The following BNIP1 variants were observed in gnomAD, a reference collection of about 807,000 sequenced individuals.
BNIP1 encodes the protein vesicle transport protein SEC20.
BNIP1 carries 25 observed loss-of-function variants against 28.5 expected under a neutral mutation model. The ratio of observed to expected loss-of-function variants is 0.88; its 90% CI spans 0.64 to 1.23. BNIP1 has a LOEUF of 1.23. Ranked by LOEUF, BNIP1 falls within the 50% of genes most tolerant of loss-of-function variation. BNIP1 has a pLI of 0.00. For synonymous variants in BNIP1, 118 were observed against 101.7 expected (o/e 1.16, Z -0.96); for missense variants, 276 against 277.0 (o/e 1.00, Z 0.02).
At chr5:173,144,807 C>T (rs1759783713) in intron 1 of BNIP1, among the ~76,000 whole-genome samples, 178 bp downstream of exon 1, 1 of 152,182 alleles carries the variant, frequency 6.6e-6, no homozygotes, top group African/African-American at 2.4e-5. Context: ...GACTGCTGGC[C>T]TTGATCCTTT....
At position 173,163,706 on chromosome 5, in the gene BNIP1, C is replaced by G. The variant is rs958993245; in HGVS notation, c.491-19C>G. The stretch of plus-strand genomic sequence containing the variant: ...GAGCTGCAGTCTCTGAGTTGGGCCT[C>G]CTTCCTCTTTTGTTTCAGTCACTTC... On this transcript the variant is annotated intron_variant, in intron 5 of 5. Transcript: ENST00000351486. 3.2e-6 allele frequency: 5 copies of G among 1,562,738 alleles called. No individual in the cohort carries two copies. In the African/African-American group the frequency reaches 6.8e-5, roughly 21 times the overall value.
rs182802585 is a variant in BNIP1 at position 173,157,711 on chromosome 5, G to A, written c.270-1033G>A. Among the ~76,000 whole-genome samples the A allele has an allele frequency of 2.9e-3, 435 of 152,060 alleles. 2 individuals carry two copies. The highest frequency in any genetic ancestry group is 1.5e-3 in the Non-Finnish European group (100 of 67,986). On this transcript the variant is annotated intron_variant, in intron 3 of 5. Coordinates refer to ENST00000351486, the MANE Select transcript of BNIP1 (RefSeq NM_001205.3). ...ATTACAGATGTGAGCCACCACGCCCGGTCAACTGTCACATTTCTAACTCCA... is the reference window on the plus strand; with the variant it reads ...ATTACAGATGTGAGCCACCACGCCCAGTCAACTGTCACATTTCTAACTCCA...
At chr5:173,155,438 C>A (rs923085508) in intron 3 of BNIP1, among the ~76,000 whole-genome samples, 8 of 152,324 alleles carry the variant, frequency 5.3e-5, no homozygotes, top group African/African-American at 1.9e-4. Context: ...CGGCGGCTCA[C>A]GCCTGGAATC....
At chr5:173,151,672 C>T (rs1032837836) in intron 2 of BNIP1, 1 of 1,613,838 alleles carries the variant, frequency 6.2e-7, no homozygotes, top group African/African-American at 1.3e-5. Context: ...TTCAACTCTC[C>T]AACTACACCT....
chr5:173,154,764 C>G (rs1760132724), intron 3 of BNIP1, among the ~76,000 whole-genome samples: 1 of 152,118 alleles, frequency 6.6e-6, no homozygotes, highest in African/African-American at 2.4e-5. Flanking sequence ...TCATGTGATT[C>G]ACCCACCTTG....
At position 173,158,672 on chromosome 5, in the gene BNIP1, A is replaced by T. The variant is rs1417325198; in HGVS notation, c.270-72A>T. On this transcript the variant is annotated intron_variant, in intron 3 of 5. Transcript: ENST00000351486. ...TCTCCCGTGTGCCTTTGTTGGGGGG[A>T]AGTGCTGTGAATTGAACTGACTTAT... The T allele has an allele frequency of 2.5e-6, 3 of 1,217,310 alleles. No homozygotes were observed. In the East Asian group the frequency reaches 7.5e-5, roughly 31 times the overall value. 75.4% of individuals were successfully genotyped at this position (1,217,310 alleles called of 1,614,324 possible).
chr5:173,158,234 A>AT (rs1315137950), intron 3 of BNIP1, among the ~76,000 whole-genome samples: 2 of 152,068 alleles, frequency 1.3e-5, no homozygotes, highest in Non-Finnish European at 2.9e-5. Flanking sequence ...CCTGGCCACG[A>AT]TTTTTTATTT....
chr5:173,148,831 A>G (rs1044990377), intron 2 of BNIP1, among the ~76,000 whole-genome samples: 1 of 152,092 alleles, frequency 6.6e-6, no homozygotes, highest in African/African-American at 2.4e-5. Flanking sequence ...GGTCACTCCA[A>G]GGGTTGATTA....
intron 3 of BNIP1, among the ~76,000 whole-genome samples, chr5:173,154,674 C>T (rs1028655664): frequency 5.3e-5 from 8 of 152,144 alleles, no homozygotes; most frequent in African/African-American, 1.7e-4. Flanking sequence ...AGGCGCCCAC[C>T]ATCACGCCTG....
At chr5:173,147,488 A>G (rs957083496) in intron 2 of BNIP1, among the ~76,000 whole-genome samples, 10 of 151,920 alleles carry the variant, frequency 6.6e-5, no homozygotes, top group Non-Finnish European at 7.4e-5. Flanking sequence ...TTATCCTTGG[A>G]ATTTTTGAAA....
chr5:173,160,129 G>A, intron 5 of BNIP1, 78 bp downstream of exon 5: 3 of 1,335,332 alleles, frequency 2.2e-6, no homozygotes, highest in East Asian at 4.6e-5. Context: ...TCCACTCTGG[G>A]CTCCTCCACC....
intron 3 of BNIP1, among the ~76,000 whole-genome samples, chr5:173,156,969 A>G (rs972912464): frequency 4.0e-5 from 6 of 151,844 alleles, no homozygotes; most frequent in African/African-American, 1.5e-4. Context: ...CAAAAAAAAA[A>G]CAAAAAAAAC....
chr5:173,150,613 G>C (rs2113842874), intron 2 of BNIP1, among the ~76,000 whole-genome samples: 1 of 152,172 alleles, frequency 6.6e-6, no homozygotes, highest in East Asian at 1.9e-4. Context: ...GTATGTGTCT[G>C]TCTATAAGTA....
chr5:173,144,689 G>A, intron 1 of BNIP1, 60 bp downstream of exon 1: 1 of 1,561,368 alleles, frequency 6.4e-7, no homozygotes, highest in Non-Finnish European at 8.8e-7. Flanking sequence ...CTGCTGGTCT[G>A]TGAGCTTGGC....
intron 2 of BNIP1, among the ~76,000 whole-genome samples, chr5:173,149,368 T>A (rs570502832): frequency 2.1e-3 from 316 of 152,272 alleles, no homozygotes; most frequent in Middle Eastern, 6.8e-3. Context: ...GGGAAACTCC[T>A]GTTTTTAAAA....
At chr5:173,158,120 G>A (rs538430072) in intron 3 of BNIP1, among the ~76,000 whole-genome samples, 16 of 150,422 alleles carry the variant, frequency 1.1e-4, no homozygotes, top group East Asian at 4.0e-4. Flanking sequence ...TAGTAGAGAC[G>A]GGGTTTCTCC....
chr5:173,150,400 G>A (rs29795), intron 2 of BNIP1, among the ~76,000 whole-genome samples: 74,764 of 151,948 alleles, frequency 0.49, 19,483 homozygotes, highest in Non-Finnish European at 0.58. Context: ...CTGAGAAACA[G>A]TATGTCTGTG....
In BNIP1 at chr5:173,156,970, C is replaced by A. The variant is rs561476559; in HGVS notation, c.270-1774C>A. Among the ~76,000 whole-genome samples, 153 of 150,022 alleles carry A rather than the reference C, an allele frequency of 1.0e-3. 2 individuals are homozygous for A. In the South Asian group the frequency reaches 0.014, roughly 14 times the overall value. ...AGCCGACCCTGTCTCAAAAAAAAAA[C>A]AAAAAAAACAAAAAAAACCAACTTT... On this transcript the variant is annotated intron_variant, in intron 3 of 5. Coordinates refer to ENST00000351486, the MANE Select transcript of BNIP1 (RefSeq NM_001205.3).
At position 173,158,845 on chromosome 5, in the gene BNIP1, G is replaced by T. The variant is rs777949267; in HGVS notation, c.371G>T (p.Arg124Met). Residue 124 changes from arginine to methionine, a missense_variant and splice_region_variant, in exon 4 of 6, where the codon AGG becomes ATG. Arg to Met is a moderately conservative substitution (Grantham distance 91). Coordinates refer to ENST00000351486, the MANE Select transcript of BNIP1 (RefSeq NM_001205.3). ...CAGGGAGGAGATCTCTTAAGGCAAA[G>T]GTACCTATTCTTTTATTTTTCTGGG... The part of the protein sequence containing the change: ...LLQGGDLLRQ[R>M]KTTKESLAQT... The T allele has an allele frequency of 3.1e-6, 5 of 1,610,080 alleles. No homozygotes were observed. Among genetic ancestry groups the T allele is most frequent in the Non-Finnish European group, 3.4e-6 (4 of 1,177,014 alleles).
Sources: allele counts gnomAD v4.1 joint callset (sites outside exome capture counted in the v4.1 genomes callset), GRCh38; gene constraint gnomAD v4.1.1; transcripts MANE v1.5; gene names NCBI Gene and HGNC (gene_info 2026-07-23, HGNC 2026-07-21).